The following ROBO1 variants were observed in gnomAD, a reference collection of about 807,000 sequenced individuals.
ROBO1 encodes the protein roundabout guidance receptor 1.
Under a neutral mutation model 195.9 loss-of-function variants are expected in ROBO1, and 149 were observed. That is an observed-to-expected ratio of 0.76 (90% CI 0.67 to 0.87). The LOEUF (loss-of-function observed/expected upper bound fraction) is 0.87. ROBO1 is among the 40% of genes least tolerant of loss of function. ROBO1 has a pLI of 0.00. For synonymous variants in ROBO1, 816 were observed against 733.2 expected (o/e 1.11, Z -1.82); for missense variants, 1,933 against 2,068.3 (o/e 0.93, Z 1.27).
Position 78,879,985 on chromosome 3 carries a change from C to T in ROBO1, c.499+58616G>A, listed in dbSNP as rs2036085852. ...GAAAATAAATGAAAGACAATCATTA[C>T]TCCACAGTGATATATAATGTATACA... is the stretch of plus-strand genomic sequence containing the variant. On this transcript the variant is annotated intron_variant, in intron 4 of 30. Transcript: ENST00000464233. Among the ~76,000 whole-genome samples the T allele has an allele frequency of 6.6e-5, 10 of 152,208 alleles. No homozygotes were observed. In the South Asian group the frequency reaches 2.1e-3, roughly 32 times the overall value.
At chr3:78,844,876 G>A (rs113894751) in intron 4 of ROBO1, among the ~76,000 whole-genome samples, 11 of 152,138 alleles carry the variant, frequency 7.2e-5, no homozygotes, top group Middle Eastern at 3.4e-3. Flanking sequence ...GCAGTCTCTA[G>A]AAAATGAGGG....
At chr3:79,273,107 A>G (rs2030716337) in intron 2 of ROBO1, among the ~76,000 whole-genome samples, 2 of 152,126 alleles carry the variant, frequency 1.3e-5, no homozygotes, top group Admixed American at 1.3e-4. Flanking sequence ...AAGAAATGCT[A>G]AAGGAAGCTC....
intron 4 of ROBO1, among the ~76,000 whole-genome samples, chr3:78,879,510 A>G (rs560235213): frequency 2.0e-5 from 3 of 149,058 alleles, no homozygotes; most frequent in Non-Finnish European, 3.0e-5. Context: ...CATCATTACC[A>G]CATGCTTTCA....
chr3:79,171,187 TTAA>T (rs2081158871), intron 2 of ROBO1, among the ~76,000 whole-genome samples: 2 of 149,980 alleles, frequency 1.3e-5, no homozygotes, highest in South Asian at 4.2e-4. Flanking sequence ...AGCTTATAAA[TTAA>T]TAATTACACA....
At chr3:79,404,738 A>C (rs1256399226) in intron 2 of ROBO1, among the ~76,000 whole-genome samples, 4 of 152,106 alleles carry the variant, frequency 2.6e-5, no homozygotes, top group Non-Finnish European at 5.9e-5. Context: ...GTGTTACTAT[A>C]ATAATTTTAT....
intron 2 of ROBO1, among the ~76,000 whole-genome samples, chr3:79,539,535 A>C (rs7653084): frequency 0.081 from 12,393 of 152,170 alleles, 668 homozygotes; most frequent in East Asian, 0.17. Flanking sequence ...TGAAACATGC[A>C]TATGAAGAAA....
intron 4 of ROBO1, among the ~76,000 whole-genome samples, chr3:78,894,448 C>T (rs552596995): frequency 3.3e-5 from 5 of 152,076 alleles, no homozygotes; most frequent in South Asian, 2.1e-4. Flanking sequence ...ATAAAAGATA[C>T]ACTAATCTGC....
In ROBO1 at chr3:78,685,738, C is replaced by T. The variant is rs1199007996; in HGVS notation, c.1342+8G>A. The T allele has an allele frequency of 1.9e-6, 3 of 1,586,388 alleles. No homozygotes were observed. The South Asian group carries it at 3.4e-5, about 18-fold the overall frequency. ...GGACATTTTGAAATAAAATGTTTTACACTTTACCATCTGTAACTTCCAAAT... is the reference window on the plus strand; with the variant it reads ...GGACATTTTGAAATAAAATGTTTTATACTTTACCATCTGTAACTTCCAAAT... On this transcript the variant is annotated splice_region_variant and intron_variant, in intron 10 of 30. Transcript: ENST00000464233.
At chr3:79,101,646 C>G (rs1194109708) in intron 3 of ROBO1, among the ~76,000 whole-genome samples, 1 of 151,760 alleles carries the variant, frequency 6.6e-6, no homozygotes. Flanking sequence ...TTACAAGAAC[C>G]TGAAAGGAGA....
chr3:78,808,853 G>T (rs1159069547), intron 4 of ROBO1, among the ~76,000 whole-genome samples: 2 of 152,004 alleles, frequency 1.3e-5, no homozygotes, highest in Non-Finnish European at 1.5e-5. Context: ...AACTCAAGAT[G>T]GATTAAAGAC....
chr3:79,358,788 C>A (rs1347110024), intron 2 of ROBO1, among the ~76,000 whole-genome samples: 1 of 151,976 alleles, frequency 6.6e-6, no homozygotes, highest in Non-Finnish European at 1.5e-5. Flanking sequence ...TGATACTCTT[C>A]CTGCATAAGG....
intron 2 of ROBO1, among the ~76,000 whole-genome samples, chr3:79,173,554 C>T (rs1351415747): frequency 6.6e-6 from 1 of 152,108 alleles, no homozygotes; most frequent in Admixed American, 6.5e-5. Flanking sequence ...CCTTATCTGC[C>T]TTCCCACAGG....
chr3:79,017,172 T>A (rs1386831834), intron 3 of ROBO1, among the ~76,000 whole-genome samples: 2 of 152,216 alleles, frequency 1.3e-5, no homozygotes, highest in Non-Finnish European at 2.9e-5. Flanking sequence ...CTTGTAACTT[T>A]CAGCCAGCAG....
chr3:79,155,190 C>T lies in ROBO1; in HGVS notation c.89-29651G>A, dbSNP rs1424562525. 3.3e-5 allele frequency among the ~76,000 whole-genome samples: 5 copies of T among 151,070 alleles called. No homozygotes were observed. The East Asian group carries it at 9.8e-4, about 30-fold the overall frequency. ...ATAAGGCAGATTTGAAAAGATCTACCCTTTTTTTTTTTCTGGATTGCTATA... is the reference window on the plus strand; with the variant it reads ...ATAAGGCAGATTTGAAAAGATCTACTCTTTTTTTTTTTCTGGATTGCTATA... On this transcript the variant is annotated intron_variant, in intron 2 of 30. Transcript: ENST00000464233.
chr3:79,054,723 T>C (rs2078770397), intron 3 of ROBO1, among the ~76,000 whole-genome samples: 1 of 152,086 alleles, frequency 6.6e-6, no homozygotes, highest in Admixed American at 6.5e-5. Flanking sequence ...TTTGCCCACG[T>C]TGTTGCAAAG....
chr3:79,095,994 GTTTTC>G (rs1015883926), intron 3 of ROBO1, among the ~76,000 whole-genome samples: 1 of 151,618 alleles, frequency 6.6e-6, no homozygotes, highest in African/African-American at 2.4e-5. Flanking sequence ...TTCTGTTTTT[GTTTTC>G]TTTTATTATT....
At chr3:79,044,780 A>G (rs1197341209) in intron 3 of ROBO1, among the ~76,000 whole-genome samples, 8 of 151,942 alleles carry the variant, frequency 5.3e-5, no homozygotes, top group Non-Finnish European at 8.8e-5. Context: ...GCTTTTTGAC[A>G]TTTTCTTTTT....
intron 3 of ROBO1, among the ~76,000 whole-genome samples, chr3:78,955,284 T>C (rs368114946): frequency 8.5e-5 from 13 of 152,114 alleles, no homozygotes; most frequent in African/African-American, 2.9e-4. Flanking sequence ...TCATGGGGGT[T>C]TGGTGTACAG....
At chr3:79,513,629 T>C (rs1356642932) in intron 2 of ROBO1, among the ~76,000 whole-genome samples, 1 of 152,060 alleles carries the variant, frequency 6.6e-6, no homozygotes, top group Non-Finnish European at 1.5e-5. Context: ...TTGACCTACA[T>C]AAGCCAAGGA....
Sources: allele counts gnomAD v4.1 joint callset (sites outside exome capture counted in the v4.1 genomes callset), GRCh38; gene constraint gnomAD v4.1.1; transcripts MANE v1.5; gene names NCBI Gene and HGNC (gene_info 2026-07-23, HGNC 2026-07-21).